Variants in ATP8B4 observed in about 807,000 individuals in gnomAD.
The protein encoded by ATP8B4 is ATPase phospholipid transporting 8B4 (putative), also known as probable phospholipid-transporting ATPase IM.
ATP8B4 carries 133 observed loss-of-function variants against 145.6 expected under a neutral mutation model. The observed-to-expected ratio is 0.91, with a 90% CI of 0.79 to 1.05. The LOEUF (loss-of-function observed/expected upper bound fraction) is 1.05, where lower values mean the gene tolerates loss of function less well. ATP8B4 is among the 50% of genes least tolerant of loss of function. ATP8B4 has a pLI of 0.00. For missense variants in ATP8B4, 1,458 were observed against 1,425.2 expected (o/e 1.02, Z -0.37); for synonymous variants, 507 against 492.9 (o/e 1.03, Z -0.38).
chr15:50,017,257 A>T (rs2049161825), intron 6 of ATP8B4, among the ~76,000 whole-genome samples: 2 of 152,246 alleles, frequency 1.3e-5, no homozygotes, highest in Admixed American at 1.3e-4. Context: ...TATTAAAAAT[A>T]TTCTACAGAT....
chr15:50,100,874 C>T (rs532637308), intron 2 of ATP8B4, among the ~76,000 whole-genome samples: 1 of 152,164 alleles, frequency 6.6e-6, no homozygotes, highest in Admixed American at 6.5e-5. Context: ...AAGTTCCATT[C>T]CTCATCAAAA....
intron 14 of ATP8B4, among the ~76,000 whole-genome samples, chr15:49,957,489 A>C (rs1025123006): frequency 1.3e-5 from 2 of 152,072 alleles, no homozygotes; most frequent in Admixed American, 6.5e-5. Context: ...AATGGGCCAA[A>C]CTCATTAAAA....
intron 6 of ATP8B4, among the ~76,000 whole-genome samples, chr15:50,028,144 T>C (rs1031263861): frequency 7.9e-5 from 12 of 152,200 alleles, no homozygotes; most frequent in African/African-American, 2.9e-4. Flanking sequence ...CTTCTTTCCA[T>C]ATGTTGCTGA....
chr15:50,135,468 C>T (rs2044108520), intron 1 of ATP8B4, among the ~76,000 whole-genome samples: 1 of 152,132 alleles, frequency 6.6e-6, no homozygotes, highest in Admixed American at 6.6e-5. Flanking sequence ...TTGAGCTATA[C>T]CCAGAGCATC....
intron 6 of ATP8B4, among the ~76,000 whole-genome samples, chr15:50,026,730 C>T (rs962677124): frequency 6.6e-6 from 1 of 152,178 alleles, no homozygotes; most frequent in African/African-American, 2.4e-5. Flanking sequence ...TGAACCTCAG[C>T]CTCCTGACAC....
intron 3 of ATP8B4, among the ~76,000 whole-genome samples, chr15:50,073,757 A>G: frequency 6.6e-6 from 1 of 152,168 alleles, no homozygotes; most frequent in East Asian, 1.9e-4. Context: ...CTCAAATGCC[A>G]TTCATCAACC....
upstream of ATP8B4, among the ~76,000 whole-genome samples, chr15:50,119,930 C>T (rs1001994863): frequency 5.9e-5 from 9 of 151,926 alleles, no homozygotes; most frequent in Middle Eastern, 3.4e-3. Flanking sequence ...AACAAATGCA[C>T]ATAGGAAATG....
chr15:49,860,038 T>C lies in ATP8B4; in HGVS notation c.*156A>G. ...TGGTTTTCCATAGCGCACACTCCTG[T>C]TTGATGGGCACTGGCAGTTGTCTGC... On this transcript the variant is annotated 3_prime_UTR_variant, in exon 28 of 28. Coordinates refer to ENST00000284509, the MANE Select transcript of ATP8B4 (RefSeq NM_024837.4). 1 of 888,210 alleles carries C rather than the reference T, an allele frequency of 1.1e-6. No individual in the cohort carries two copies. The highest frequency in any genetic ancestry group is 1.7e-6 in the Non-Finnish European group (1 of 589,592). 55.0% of individuals were successfully genotyped at this position (888,210 alleles called of 1,614,324 possible). A position where few individuals can be genotyped will look rare whatever the true frequency, so the allele number is the denominator to read the frequency against.
intron 7 of ATP8B4, among the ~76,000 whole-genome samples, chr15:50,003,327 G>A (rs973191766): frequency 1.4e-5 from 2 of 143,612 alleles, no homozygotes; most frequent in African/African-American, 2.6e-5. Context: ...TGTCTAAACT[G>A]GGATAAAACA....
intron 20 of ATP8B4, among the ~76,000 whole-genome samples, chr15:49,911,892 A>G (rs1599084068): frequency 6.6e-6 from 1 of 152,272 alleles, no homozygotes; most frequent in East Asian, 1.9e-4. Flanking sequence ...GAACTTAGAA[A>G]CAATACACTA....
At chr15:49,953,084 C>T (rs1023848069) in intron 14 of ATP8B4, among the ~76,000 whole-genome samples, 5 of 152,236 alleles carry the variant, frequency 3.3e-5, no homozygotes, top group African/African-American at 1.2e-4. Flanking sequence ...GGTGCCTTCT[C>T]CTTCTTCTGG....
intron 23 of ATP8B4, chr15:49,885,673 A>G (rs183046507): frequency 1.3e-5 from 2 of 152,296 alleles, no homozygotes; most frequent in African/African-American, 4.8e-5. Flanking sequence ...GCTCATCCTC[A>G]TATTACCTTA....
chr15:50,103,852 C>A (rs1281156815), intron 2 of ATP8B4, among the ~76,000 whole-genome samples: 1 of 152,052 alleles, frequency 6.6e-6, no homozygotes, highest in Non-Finnish European at 1.5e-5. Flanking sequence ...CCCTAGGCAC[C>A]AAAACAGCAT....
chr15:50,026,821 A>G (rs557685967), intron 6 of ATP8B4, among the ~76,000 whole-genome samples: 1 of 152,132 alleles, frequency 6.6e-6, no homozygotes, highest in Non-Finnish European at 1.5e-5. Context: ...GTGTTGCCCA[A>G]GAGTCTTACA....
At chr15:50,047,615 T>G in intron 3 of ATP8B4, 151 bp from the exon 4 acceptor site, 1 of 623,372 alleles carries the variant, frequency 1.6e-6, no homozygotes, top group East Asian at 2.9e-5. Context: ...CCTTCATTTT[T>G]CCCAAGATGA....
At position 49,860,398 on chromosome 15, in the gene ATP8B4, T is replaced by C; in HGVS notation, c.3375A>G (p.Ser1125=). 6.2e-7 allele frequency: 1 copy of C among 1,613,452 alleles called. No homozygotes were observed. Among genetic ancestry groups the C allele is most frequent in the Non-Finnish European group, 8.5e-7 (1 of 1,179,388 alleles). Residue 1125 remains serine (S), a synonymous_variant, in exon 28 of 28, where the codon TCA becomes TCG. Coordinates refer to ENST00000284509, the MANE Select transcript of ATP8B4 (RefSeq NM_024837.4). The stretch of plus-strand genomic sequence containing the variant: ...GAGCAAAAGCATATCCAGACCTTCT[T>C]GAGCTTGACCTGCGGGTCCGAGGCC... ...SRRPRTRRSS[S]RRSGYAFAHQ...
intron 6 of ATP8B4, among the ~76,000 whole-genome samples, chr15:50,021,169 T>TAGATA (rs989945286): frequency 2.6e-5 from 4 of 151,768 alleles, no homozygotes; most frequent in African/African-American, 4.8e-5. Flanking sequence ...GATAGATAGA[T>TAGATA]AATTCTACTT....
At position 50,090,071 on chromosome 15, in the gene ATP8B4, A is replaced by G. The variant is rs186940752; in HGVS notation, c.29-15886T>C. Among the ~76,000 whole-genome samples, 14 of 152,304 alleles carry G rather than the reference A, an allele frequency of 9.2e-5. No individual in the cohort carries two copies. The East Asian group carries it at 2.3e-3, about 25-fold the overall frequency. ...GATCATGTCCTGTGCAGGGACACGGATGGAGCTGGAAGCCATTATCCTCAG... is the reference window on the plus strand; with the variant it reads ...GATCATGTCCTGTGCAGGGACACGGGTGGAGCTGGAAGCCATTATCCTCAG... On this transcript the variant is annotated intron_variant, in intron 2 of 27. Transcript: ENST00000284509.
intron 11 of ATP8B4, 59 bp downstream of exon 11, chr15:49,981,147 A>T (rs898434209): frequency 2.2e-6 from 3 of 1,363,302 alleles, no homozygotes; most frequent in Non-Finnish European, 2.1e-6. Context: ...TCCCAGCAAG[A>T]TTCAGTAAAT....
Sources: allele counts gnomAD v4.1 joint callset (sites outside exome capture counted in the v4.1 genomes callset), GRCh38; gene constraint gnomAD v4.1.1; transcripts MANE v1.5; gene names NCBI Gene and HGNC (gene_info 2026-07-23, HGNC 2026-07-21).